TMEM117: variants seen among roughly 807,000 people sequenced by gnomAD.
TMEM117 encodes transmembrane protein 117.
Under a neutral mutation model 52.4 loss-of-function variants are expected in TMEM117, and 27 were observed. The ratio of observed to expected loss-of-function variants is 0.51; its 90% CI spans 0.38 to 0.71. TMEM117 has a LOEUF of 0.71. Ranked by LOEUF, TMEM117 falls within the 30% of genes least tolerant of loss-of-function variation. TMEM117 has a pLI of 0.00. For missense variants in TMEM117, 556 were observed against 630.5 expected, an observed-to-expected ratio of 0.88 and a Z score of 1.26; for synonymous variants, 215 against 206.3, an observed-to-expected ratio of 1.04 and a Z score of -0.36.
At chr12:44,117,136 A>G (rs1948158103) in intron 3 of TMEM117, among the ~76,000 whole-genome samples, 1 of 152,036 alleles carries the variant, frequency 6.6e-6, no homozygotes, top group Admixed American at 6.5e-5. Context: ...TTTTCCATCA[A>G]CTAATCCCTT....
intron 5 of TMEM117, among the ~76,000 whole-genome samples, chr12:44,282,108 T>A (rs1429640203): frequency 1.3e-5 from 2 of 148,948 alleles, no homozygotes; most frequent in African/African-American, 5.2e-5. Flanking sequence ...TTCTTTCTCA[T>A]TTTTCTCTTG....
chr12:44,247,306 C>T (rs1481519326), intron 5 of TMEM117, among the ~76,000 whole-genome samples: 2 of 152,032 alleles, frequency 1.3e-5, no homozygotes, highest in Non-Finnish European at 2.9e-5. Context: ...GTTATAATAC[C>T]ACCGATTAAA....
chr12:43,938,970 A>G (rs1225376002), intron 2 of TMEM117, among the ~76,000 whole-genome samples: 2 of 152,030 alleles, frequency 1.3e-5, no homozygotes, highest in Non-Finnish European at 2.9e-5. Flanking sequence ...ATTGCACTCC[A>G]GTCAGGGTGA....
intron 6 of TMEM117, among the ~76,000 whole-genome samples, chr12:44,361,791 A>G (rs115807826): frequency 6.7e-6 from 1 of 150,340 alleles, no homozygotes; most frequent in South Asian, 2.1e-4. Context: ...TACATACACA[A>G]AAAAAAATTG....
At chr12:44,272,814 G>A (rs1098574) in intron 5 of TMEM117, among the ~76,000 whole-genome samples, 3 of 152,238 alleles carry the variant, frequency 2.0e-5, no homozygotes, top group East Asian at 1.9e-4. Context: ...ACAGTGTGGC[G>A]ATTCCTCAGG....
chr12:43,945,458 T>A (rs189593342), intron 3 of TMEM117, among the ~76,000 whole-genome samples: 2 of 152,216 alleles, frequency 1.3e-5, no homozygotes, highest in Non-Finnish European at 2.9e-5. Context: ...GTAGCTGAGA[T>A]TATAGGCGCC....
chr12:44,224,157 CAT>C (rs1343039951), intron 5 of TMEM117, among the ~76,000 whole-genome samples: 1 of 152,142 alleles, frequency 6.6e-6, no homozygotes, highest in Non-Finnish European at 1.5e-5. Flanking sequence ...CACACACACA[CAT>C]GCACAACCTC....
chr12:44,253,600 T>C (rs939983465), intron 5 of TMEM117, among the ~76,000 whole-genome samples: 5 of 152,098 alleles, frequency 3.3e-5, no homozygotes, highest in Admixed American at 3.3e-4. Context: ...CTTGATTGGG[T>C]CCATTAACTC....
intron 4 of TMEM117, among the ~76,000 whole-genome samples, chr12:44,148,071 A>G (rs1367891819): frequency 1.3e-5 from 2 of 152,250 alleles, no homozygotes; most frequent in Non-Finnish European, 2.9e-5. Flanking sequence ...TGGCTTTAAC[A>G]TAGTAGCCCT....
intron 6 of TMEM117, among the ~76,000 whole-genome samples, chr12:44,302,806 A>G (rs935747721): frequency 2.6e-5 from 4 of 152,242 alleles, no homozygotes; most frequent in Non-Finnish European, 5.9e-5. Flanking sequence ...CCCAGAAAGC[A>G]TATGTACTCA....
At chr12:43,798,187 T>C in the TMEM117 span, among the ~76,000 whole-genome samples, 1 of 152,088 alleles carries the variant, frequency 6.6e-6, no homozygotes, top group Non-Finnish European at 1.5e-5. Flanking sequence ...CTACATACAA[T>C]ATGTATAGAA....
chr12:44,209,960 C>A (rs1211423792), intron 4 of TMEM117, among the ~76,000 whole-genome samples: 1 of 152,086 alleles, frequency 6.6e-6, no homozygotes, highest in Admixed American at 6.6e-5. Context: ...TCTAAAAGGA[C>A]TCCCCACTGA....
chr12:44,286,196 A>G (rs1157183347), intron 5 of TMEM117, among the ~76,000 whole-genome samples: 3 of 151,872 alleles, frequency 2.0e-5, no homozygotes, highest in Non-Finnish European at 4.4e-5. Context: ...TATTTCCTTT[A>G]AGATTTTATA....
intron 3 of TMEM117, among the ~76,000 whole-genome samples, chr12:44,127,042 T>C (rs1193100979): frequency 1.3e-5 from 2 of 152,224 alleles, no homozygotes; most frequent in Non-Finnish European, 1.5e-5. Flanking sequence ...AATATTCAAG[T>C]ATGAGTAAGT....
At chr12:44,356,231 A>C (rs550443320) in intron 6 of TMEM117, among the ~76,000 whole-genome samples, 488 of 152,238 alleles carry the variant, frequency 3.2e-3, no homozygotes, top group Non-Finnish European at 6.0e-3. Context: ...GACAAATTAC[A>C]ATATGACATG....
intron 3 of TMEM117, among the ~76,000 whole-genome samples, chr12:44,105,899 A>G (rs1019356224): frequency 1.4e-4 from 21 of 152,022 alleles, no homozygotes; most frequent in African/African-American, 4.6e-4. Context: ...TTTTAAAGCA[A>G]TTTTCACTCT....
chr12:44,390,979 A>G (rs1348530914), downstream of TMEM117, among the ~76,000 whole-genome samples: 1 of 152,288 alleles, frequency 6.6e-6, no homozygotes, highest in East Asian at 1.9e-4. Flanking sequence ...GACATTTTAA[A>G]AAGAGATGTG....
At chr12:43,801,560 A>T in the TMEM117 span, among the ~76,000 whole-genome samples, 1 of 152,164 alleles carries the variant, frequency 6.6e-6, no homozygotes, top group South Asian at 2.1e-4. Flanking sequence ...CAGCTTTCCT[A>T]AAATACTTGT....
intron 2 of TMEM117, among the ~76,000 whole-genome samples, chr12:43,880,987 TCA>T (rs765738921): frequency 2.6e-5 from 4 of 152,222 alleles, no homozygotes; most frequent in Non-Finnish European, 2.9e-5. Context: ...AAATTCTAAC[TCA>T]CAGAGCTGGT....
Sources: gnomAD v4.1 joint callset for allele counts (sites outside exome capture counted in the v4.1 genomes callset) on GRCh38, gnomAD v4.1.1 for gene constraint, MANE v1.5 for transcripts, NCBI Gene and HGNC (gene_info 2026-07-23, HGNC 2026-07-21) for gene names.